Variants in YTHDC2 observed in about 807,000 individuals in gnomAD.
The protein encoded by YTHDC2 is 3'-5' RNA helicase YTHDC2.
Under a neutral mutation model 174.9 loss-of-function variants are expected in YTHDC2, and 45 were observed. That is an observed-to-expected ratio of 0.26 (90% confidence interval 0.20 to 0.33). The LOEUF (loss-of-function observed/expected upper bound fraction) is 0.33. Among genes scored for constraint, YTHDC2 ranks in the 10% least tolerant of loss-of-function variants. The pLI, the probability that YTHDC2 is intolerant of heterozygous loss-of-function variation, is 1.00. For missense variants in YTHDC2, 1,650 were observed against 1,723.7 expected (o/e 0.96, Z 0.76); for synonymous variants, 657 against 574.5 (o/e 1.14, Z -2.05).
At chr5:113,553,099 G>A (rs946627946) in intron 12 of YTHDC2, 82 bp from the exon 13 acceptor site, 1 of 1,290,846 alleles carries the variant, frequency 7.7e-7, no homozygotes, top group Non-Finnish European at 1.0e-6. Context: ...CTTCCTTAGG[G>A]AATATTGGAA....
At chr5:113,547,080 C>A (rs1022610349) in intron 10 of YTHDC2, among the ~76,000 whole-genome samples, 1 of 152,122 alleles carries the variant, frequency 6.6e-6, no homozygotes, top group Non-Finnish European at 1.5e-5. Context: ...GTCACTTAGT[C>A]CAGTTTATAT....
intron 2 of YTHDC2, chr5:113,517,502 G>T: frequency 2.2e-6 from 1 of 455,164 alleles, no homozygotes; most frequent in Non-Finnish European, 4.4e-6. Context: ...TAGATATCTT[G>T]GGAAGGAGAA....
Position 113,534,292 on chromosome 5 carries a change from T to C in YTHDC2, c.843-13T>C. ...TTGCAATTGTGCACTTTGTTTTGCT[T>C]TTTTTTTAAAAGGGTTTCTCCAAAG... On this transcript the variant is annotated splice_polypyrimidine_tract_variant and intron_variant, in intron 5 of 29. Transcript: ENST00000161863. 6.2e-7 allele frequency: 1 copy of C among 1,606,506 alleles called. No homozygotes were observed. The highest frequency in any genetic ancestry group is 1.1e-5 in the South Asian group (1 of 90,294).
intron 10 of YTHDC2, among the ~76,000 whole-genome samples, chr5:113,545,986 C>T (rs62373763): frequency 0.094 from 5,110 of 54,274 alleles, 1,649 homozygotes; most frequent in African/African-American, 0.48. Flanking sequence ...GTGATCCGCC[C>T]GCCTCGGCCT....
Position 113,549,033 on chromosome 5 carries a change from A to G in YTHDC2, c.1688+13A>G. The G allele has an allele frequency of 1.3e-6, 2 of 1,597,140 alleles. No individual in the cohort carries two copies. Among genetic ancestry groups the G allele is most frequent in the African/African-American group, 1.3e-5 (1 of 74,344 alleles). ...TAGAATCTTACAGGTAAAACTTTGT[A>G]CTATTTTAAATTAATTCTACCGTCT... On this transcript the variant is annotated intron_variant, in intron 12 of 29. Transcript: ENST00000161863.
chr5:113,566,167 T>C (rs1319238626), intron 21 of YTHDC2, 148 bp downstream of exon 21: 1 of 966,132 alleles, frequency 1.0e-6, no homozygotes, highest in Non-Finnish European at 1.4e-6. Flanking sequence ...ATTTGTAGAC[T>C]TCGATATGTC....
intron 4 of YTHDC2, among the ~76,000 whole-genome samples, chr5:113,528,584 G>A (rs1486762333): frequency 1.5e-5 from 2 of 130,516 alleles, no homozygotes; most frequent in South Asian, 2.2e-4. Flanking sequence ...GTGCAATGGC[G>A]TGCAGCCTCC....
In YTHDC2 at chr5:113,535,660, G is replaced by T. The variant is rs1398753313; in HGVS notation, c.964G>T (p.Asp322Tyr). 1 of 1,613,020 alleles carries T rather than the reference G, an allele frequency of 6.2e-7. No homozygotes were observed. Among genetic ancestry groups the T allele is most frequent in the African/African-American group, 1.3e-5 (1 of 74,954 alleles). Residue 322 changes from aspartate to tyrosine, a missense_variant, in exon 7 of 30, where the codon GAT becomes TAT. Physicochemically the swap from Asp to Tyr is radical, Grantham distance 160. This residue lies in a region of YTHDC2 where 411 missense variants were observed against 380.6 expected (regional missense o/e 1.08). Transcript: ENST00000161863. ...HVIVDEVHER[D>Y]RFSDFLLTKL... ...ACTATAGGATGAAGTGCATGAAAGGGATCGATTTAGTGATTTTTTACTTAC... is the reference window on the plus strand; with the variant it reads ...ACTATAGGATGAAGTGCATGAAAGGTATCGATTTAGTGATTTTTTACTTAC...
rs765342049 is a variant in YTHDC2, at chr5:113,553,218, C to G, written c.1726C>G (p.Leu576Val). Residue 576 changes from leucine to valine, a missense_variant, in exon 13 of 30, where the codon CTG becomes GTG. Leu to Val is a conservative substitution (Grantham distance 32). Coordinates refer to ENST00000161863, the MANE Select transcript of YTHDC2 (RefSeq NM_022828.5). ...LEFGNLDESS[L>V]VQTNGSDLSA... Reference sequence around the variant, plus strand: ...ATTTGGAAATCTAGATGAAAGTTCTCTGGTTCAAACAAATGGAAGTGACCT... The same window carrying G: ...ATTTGGAAATCTAGATGAAAGTTCTGTGGTTCAAACAAATGGAAGTGACCT... 1 of 1,461,548 alleles carries G rather than the reference C, an allele frequency of 6.8e-7. No homozygotes were observed. Among genetic ancestry groups the G allele is most frequent in the Non-Finnish European group, 9.1e-7 (1 of 1,102,412 alleles). The allele number at this position is 1,461,548 out of a possible 1,614,324, so 90.5% of individuals were successfully genotyped here.
chr5:113,551,061 T>C (rs1034529674), intron 12 of YTHDC2, among the ~76,000 whole-genome samples: 1 of 152,118 alleles, frequency 6.6e-6, no homozygotes, highest in Non-Finnish European at 1.5e-5. Context: ...TGACCTGGGT[T>C]TTTGTACTTA....
chr5:113,525,653 C>T (rs1774165857), intron 3 of YTHDC2, among the ~76,000 whole-genome samples: 1 of 152,062 alleles, frequency 6.6e-6, no homozygotes, highest in African/African-American at 2.4e-5. Flanking sequence ...AGATTTTGAA[C>T]TGGGGCTTTA....
chr5:113,527,392 A>G (rs1335644175), intron 4 of YTHDC2, among the ~76,000 whole-genome samples: 1 of 152,212 alleles, frequency 6.6e-6, no homozygotes, highest in Non-Finnish European at 1.5e-5. Context: ...AGGATAACAG[A>G]TTGGAAGTAG....
chr5:113,576,420 A>C (rs1778048958), intron 23 of YTHDC2, among the ~76,000 whole-genome samples: 1 of 152,162 alleles, frequency 6.6e-6, no homozygotes, highest in South Asian at 2.1e-4. Context: ...TGACATCTTC[A>C]TCAGTGTGTC....
intron 23 of YTHDC2, among the ~76,000 whole-genome samples, chr5:113,568,809 A>G (rs1397529479): frequency 3.3e-5 from 5 of 152,204 alleles, no homozygotes; most frequent in Middle Eastern, 3.4e-3. Context: ...TGTCTTTACT[A>G]TTGTGAATAA....
chr5:113,541,183 G>T, intron 9 of YTHDC2, 67 bp downstream of exon 9: 1 of 1,525,028 alleles, frequency 6.6e-7, no homozygotes, highest in Non-Finnish European at 9.0e-7. Context: ...AACATTTTAT[G>T]AGCTTATAAT....
chr5:113,591,589 T>A (rs973907234), intron 27 of YTHDC2, among the ~76,000 whole-genome samples: 15 of 152,142 alleles, frequency 9.9e-5, no homozygotes, highest in South Asian at 2.1e-4. Context: ...ATCAGTAAAC[T>A]AAGTATGTTT....
chr5:113,561,958 G>A (rs1454924389), intron 18 of YTHDC2, among the ~76,000 whole-genome samples: 1 of 15,688 alleles, frequency 6.4e-5, no homozygotes, highest in East Asian at 1.2e-3. Flanking sequence ...TTAATTGTGG[G>A]TGTGTGTGTG....
chr5:113,560,911 G>C (rs577730291), intron 17 of YTHDC2, among the ~76,000 whole-genome samples, 169 bp from the exon 18 acceptor site: 4 of 152,208 alleles, frequency 2.6e-5, no homozygotes, highest in African/African-American at 9.6e-5. Context: ...ACCCAGACTA[G>C]TGAAGTGCTT....
chr5:113,561,953 T>TG (rs1554099018), intron 18 of YTHDC2, among the ~76,000 whole-genome samples: 1 of 132,640 alleles, frequency 7.5e-6, no homozygotes, highest in Admixed American at 7.7e-5. Flanking sequence ...CTCTATTAAT[T>TG]GTGGGTGTGT....
Sources: allele counts gnomAD v4.1 joint callset (sites outside exome capture counted in the v4.1 genomes callset), GRCh38; gene constraint gnomAD v4.1.1; regional missense constraint gnomAD v4.1.1; transcripts MANE v1.5; gene names NCBI Gene and HGNC (gene_info 2026-07-23, HGNC 2026-07-21).